Variants in MYH11 observed in about 807,000 individuals in gnomAD.
The protein encoded by MYH11 is myosin-11.
Under a neutral mutation model 246.6 loss-of-function variants are expected in MYH11, and 80 were observed. That is an observed-to-expected ratio of 0.32 (90% CI 0.27 to 0.39). The LOEUF is 0.39. Among genes scored for constraint, MYH11 ranks in the 10% least tolerant of loss-of-function variants. The pLI is 1.00. For synonymous variants in MYH11, 1,071 were observed against 1,015.5 expected (o/e 1.05, Z -1.04); for missense variants, 2,158 against 2,546.8 (o/e 0.85, Z 3.29).
chr16:15,783,775 G>A (rs909059601), intron 5 of MYH11, among the ~76,000 whole-genome samples: 3 of 152,078 alleles, frequency 2.0e-5, no homozygotes, highest in African/African-American at 4.8e-5. Context: ...GCTTTAAATC[G>A]GGGGACCTGG....
Position 15,844,797 on chromosome 16 carries a change from C to T in MYH11, c.-17-6528G>A, listed in dbSNP as rs1051971735. Among the ~76,000 whole-genome samples, 29 of 152,224 alleles carry T rather than the reference C, an allele frequency of 1.9e-4. 1 individual carries two copies. The highest frequency in any genetic ancestry group is 1.6e-3 in the Admixed American group (24 of 15,274). ...CCCAGGAGTTTGAGGCTGCAGTGAG[C>T]TATGATTACATCACTGCACTCCAGC... On this transcript the variant is annotated intron_variant, in intron 1 of 40. Coordinates refer to ENST00000300036, the MANE Select transcript of MYH11 (RefSeq NM_002474.3).
chr16:15,748,136 C>A lies in MYH11; in HGVS notation c.2091G>T (p.Glu697Asp), dbSNP rs1317575433. Residue 697 changes from glutamate to aspartate, a missense_variant, in exon 17 of 41, where the codon GAG (glutamate) becomes GAT (aspartate). Around this residue, in one of 11 missense-constraint regions of MYH11, gnomAD observed 317 missense variants for 507.7 expected, o/e 0.62. Transcript: ENST00000300036. ...SGKLDAFLVL[E>D]QLRCNGVLEG... is the part of the protein sequence containing the mutation. ...CCAGCACCCCATTGCACCGCAGCTG[C>A]TCCAGCACCAGGAACGCATCCAGCT... 1 of 1,613,948 alleles carries A rather than the reference C, an allele frequency of 6.2e-7. No individual in the cohort carries two copies. The highest frequency in any genetic ancestry group is 1.3e-5 in the African/African-American group (1 of 74,918).
intron 1 of MYH11, among the ~76,000 whole-genome samples, chr16:15,841,809 G>A (rs540386176): frequency 1.3e-5 from 2 of 152,288 alleles, no homozygotes; most frequent in African/African-American, 4.8e-5. Flanking sequence ...GGCTAAGTGA[G>A]GACATATGGC....
At chr16:15,771,974 C>T (rs1410589745) in intron 8 of MYH11, among the ~76,000 whole-genome samples, 1 of 151,882 alleles carries the variant, frequency 6.6e-6, no homozygotes, top group South Asian at 2.1e-4. Context: ...CAATCCCTGG[C>T]ACGAAGTTAC....
chr16:15,709,953 T>TG (rs770300404), intron 40 of MYH11, among the ~76,000 whole-genome samples: 3 of 152,160 alleles, frequency 2.0e-5, no homozygotes, highest in Non-Finnish European at 4.4e-5. Context: ...GAGATGCGTC[T>TG]GGCTGATAGA....
chr16:15,780,206 A>G, intron 6 of MYH11, among the ~76,000 whole-genome samples: 1 of 152,052 alleles, frequency 6.6e-6, no homozygotes, highest in Admixed American at 6.5e-5. Flanking sequence ...TTCTCAGTGG[A>G]GGCGGCACAT....
At chr16:15,706,715 CAAA>C (rs554587198) in intron 40 of MYH11, among the ~76,000 whole-genome samples, 1 of 150,006 alleles carries the variant, frequency 6.7e-6, no homozygotes. Context: ...AAAAAAAAAA[CAAA>C]AAAAAATCTG....
chr16:15,737,651 G>C, intron 24 of MYH11, 31 bp from the exon 25 acceptor site: 1 of 1,606,992 alleles, frequency 6.2e-7, no homozygotes, highest in Non-Finnish European at 8.5e-7. Context: ...TTCAGGAAGG[G>C]GAGGCCCCAG....
intron 2 of MYH11, among the ~76,000 whole-genome samples, chr16:15,824,785 A>G (rs1467899395): frequency 6.6e-6 from 1 of 152,162 alleles, no homozygotes; most frequent in African/African-American, 2.4e-5. Context: ...CCCAATGTCC[A>G]TATCTAAGAA....
chr16:15,845,103 G>A (rs1486930188), intron 1 of MYH11, among the ~76,000 whole-genome samples: 3 of 152,050 alleles, frequency 2.0e-5, no homozygotes, highest in African/African-American at 7.2e-5. Flanking sequence ...GTAGATCTGA[G>A]ACTCAGATTT....
At position 15,763,935 on chromosome 16, in the gene MYH11, C is replaced by A; in HGVS notation, c.1034-44G>T. 4.0e-6 allele frequency: 6 copies of A among 1,516,878 alleles called. No individual in the cohort carries two copies. The South Asian group carries it at 6.7e-5, about 17-fold the overall frequency. The allele number at this position is 1,516,878 out of a possible 1,614,324, so 94.0% of individuals were successfully genotyped here. ...GGCAGAGCAGACACAAAGGTCAATG[C>A]CAAGGTACCCTGGAGTTTTGGAGCC... is the stretch of plus-strand genomic sequence containing the variant. On this transcript the variant is annotated intron_variant, in intron 9 of 40. Transcript: ENST00000300036.
At chr16:15,710,121 G>A (rs2039695885) in intron 40 of MYH11, among the ~76,000 whole-genome samples, 1 of 152,180 alleles carries the variant, frequency 6.6e-6, no homozygotes, top group Non-Finnish European at 1.5e-5. Context: ...GTGTATTCGT[G>A]TCGGAACTGG....
chr16:15,725,214 G>A (rs916061965), intron 28 of MYH11: 25 of 612,940 alleles, frequency 4.1e-5, no homozygotes, highest in Non-Finnish European at 6.9e-5. Flanking sequence ...TATGAGTTGG[G>A]ACCCTGGCCC....
At position 15,786,487 on chromosome 16, in the gene MYH11, C is replaced by T. The variant is rs376947559; in HGVS notation, c.633+143G>A. On this transcript the variant is annotated intron_variant, in intron 5 of 40. Transcript: ENST00000300036. The stretch of plus-strand genomic sequence containing the variant: ...TCAACAGGCCTGCTCGCCAAAAAGA[C>T]GGTCCCTCTTTGAGTCTTCAGGGGA... 71 of 857,366 alleles carry T rather than the reference C, an allele frequency of 8.3e-5. 1 individual carries two copies. The highest frequency in any genetic ancestry group is 8.2e-4 in the South Asian group (62 of 75,266). The allele number at this position is 857,366 out of a possible 1,614,324, so 53.1% of individuals were successfully genotyped here.
At chr16:15,789,155 G>A (rs1464350438) in intron 4 of MYH11, among the ~76,000 whole-genome samples, 1 of 152,088 alleles carries the variant, frequency 6.6e-6, no homozygotes, top group Non-Finnish European at 1.5e-5. Context: ...CAGCAAAGAA[G>A]GGATACAGTC....
At chr16:15,786,489 G>A (rs1346189647) in intron 5 of MYH11, 141 bp downstream of exon 5, 1 of 868,080 alleles carries the variant, frequency 1.2e-6, no homozygotes, top group Admixed American at 1.7e-5. Context: ...CAAAAAGACG[G>A]TCCCTCTTTG....
intron 1 of MYH11, among the ~76,000 whole-genome samples, chr16:15,854,974 C>T (rs2044425076): frequency 6.6e-6 from 1 of 152,122 alleles, no homozygotes; most frequent in Admixed American, 6.6e-5. Context: ...TCCCCAGGGC[C>T]AGGACCAACC....
intron 28 of MYH11, chr16:15,726,368 T>C (rs886051758): frequency 2.8e-4 from 47 of 168,010 alleles, no homozygotes; most frequent in Non-Finnish European, 4.6e-4. Flanking sequence ...GGGTTTTTTT[T>C]CTTTTTTTTT....
intron 40 of MYH11, among the ~76,000 whole-genome samples, chr16:15,706,385 C>T (rs956881795): frequency 1.3e-5 from 2 of 152,060 alleles, no homozygotes; most frequent in Non-Finnish European, 2.9e-5. Context: ...CAGCTCTCTT[C>T]GTCACAGTTT....
Sources: allele counts gnomAD v4.1 joint callset (sites outside exome capture counted in the v4.1 genomes callset), GRCh38; gene constraint gnomAD v4.1.1; regional missense constraint gnomAD v4.1.1; transcripts MANE v1.5; gene names NCBI Gene and HGNC (gene_info 2026-07-23, HGNC 2026-07-21).